ST8SIA5: variants seen among roughly 807,000 people sequenced by gnomAD.
ST8SIA5 encodes the protein ST8 alpha-N-acetyl-neuraminide alpha-2,8-sialyltransferase 5.
A neutral mutation model predicts 40.2 loss-of-function variants in ST8SIA5; 24 were observed. The ratio of observed to expected loss-of-function variants is 0.60; its 90% CI spans 0.43 to 0.84. The LOEUF is 0.84. ST8SIA5 is among the 40% of genes least tolerant of loss of function. The probability of loss-of-function intolerance (pLI) is 0.00; values close to 1 mark genes in which losing one functional copy is unlikely to be tolerated. For synonymous variants in ST8SIA5, 198 were observed against 201.8 expected, an observed-to-expected ratio of 0.98 and a Z score of 0.16; for missense variants, 465 against 498.5, an observed-to-expected ratio of 0.93 and a Z score of 0.64.
At chr18:46,726,554 C>T (rs116867183) in intron 1 of ST8SIA5, among the ~76,000 whole-genome samples, 4 of 152,102 alleles carry the variant, frequency 2.6e-5, no homozygotes, top group Non-Finnish European at 5.9e-5. Flanking sequence ...GTCATGACTG[C>T]ATGAATGTTT....
intron 5 of ST8SIA5, among the ~76,000 whole-genome samples, chr18:46,685,058 T>C (rs2039432243): frequency 6.6e-6 from 1 of 152,152 alleles, no homozygotes; most frequent in Non-Finnish European, 1.5e-5. Context: ...CTAAGAGCTA[T>C]ACAATCATTA....
At position 46,704,492 on chromosome 18, in the gene ST8SIA5, C is replaced by T. The variant is rs1174916414; in HGVS notation, c.224+80G>A. The T allele has an allele frequency of 7.9e-6, 10 of 1,272,518 alleles. No individual in the cohort carries two copies. The South Asian group carries it at 1.2e-4, about 16-fold the overall frequency. The allele number at this position is 1,272,518 out of a possible 1,614,324, so 78.8% of individuals were successfully genotyped here. On this transcript the variant is annotated intron_variant, in intron 2 of 6. Coordinates refer to ENST00000315087, the MANE Select transcript of ST8SIA5 (RefSeq NM_013305.6). ...CCATGTGTTTCCTGTTTCCTTCCACCCTTGCCCCCACGCACTCACCCCCAA... is the reference window on the plus strand; with the variant it reads ...CCATGTGTTTCCTGTTTCCTTCCACTCTTGCCCCCACGCACTCACCCCCAA...
intron 2 of ST8SIA5, among the ~76,000 whole-genome samples, chr18:46,697,124 TA>T (rs35310725): frequency 0.1 from 13,243 of 126,604 alleles, 859 homozygotes; most frequent in African/African-American, 0.19. Flanking sequence ...GTTCCTCTGT[TA>T]AAAAAAAAAA....
chr18:46,720,859 G>A (rs77395480), intron 1 of ST8SIA5, among the ~76,000 whole-genome samples: 13,389 of 152,130 alleles, frequency 0.088, 854 homozygotes, highest in East Asian at 0.33. Context: ...ATGATGGGGC[G>A]CATAGCAAAT....
intron 2 of ST8SIA5, among the ~76,000 whole-genome samples, chr18:46,702,442 A>C (rs1467355782): frequency 6.6e-6 from 1 of 152,092 alleles, no homozygotes. Context: ...TAAAACCCAA[A>C]CCTGGGTCTG....
chr18:46,730,870 C>CT (rs1189467974), intron 1 of ST8SIA5, among the ~76,000 whole-genome samples: 4 of 152,092 alleles, frequency 2.6e-5, no homozygotes, highest in Non-Finnish European at 5.9e-5. Context: ...AATTCCAGTG[C>CT]TTTGGGAGGC....
intron 1 of ST8SIA5, among the ~76,000 whole-genome samples, chr18:46,722,112 G>A (rs115959281): frequency 0.023 from 3,493 of 152,228 alleles, 124 homozygotes; most frequent in African/African-American, 0.078. Context: ...CCTGCAAAAA[G>A]CAGATCTACT....
intron 1 of ST8SIA5, chr18:46,721,500 T>C: frequency 6.6e-7 from 1 of 1,519,160 alleles, no homozygotes; most frequent in African/African-American, 1.4e-5. Context: ...TCGGTACTCA[T>C]GCTCATTTGC....
intron 1 of ST8SIA5, among the ~76,000 whole-genome samples, chr18:46,725,462 C>G (rs1437246849): frequency 6.6e-6 from 1 of 152,038 alleles, no homozygotes; most frequent in Non-Finnish European, 1.5e-5. Context: ...CAGTCCCCTC[C>G]CAGGACTATA....
At chr18:46,738,980 G>A (rs1022465461) in intron 1 of ST8SIA5, among the ~76,000 whole-genome samples, 3 of 152,168 alleles carry the variant, frequency 2.0e-5, no homozygotes, top group Non-Finnish European at 4.4e-5. Flanking sequence ...AAGCATAGGA[G>A]GGTCCTCTGT....
At chr18:46,702,208 A>T (rs1316848274) in intron 2 of ST8SIA5, among the ~76,000 whole-genome samples, 1 of 152,040 alleles carries the variant, frequency 6.6e-6, no homozygotes, top group Non-Finnish European at 1.5e-5. Flanking sequence ...GTGTGCTTTC[A>T]ATCACAGTGC....
At chr18:46,702,161 A>AT (rs2039624465) in intron 2 of ST8SIA5, among the ~76,000 whole-genome samples, 1 of 151,492 alleles carries the variant, frequency 6.6e-6, no homozygotes. Context: ...AAAAAAAAAA[A>AT]ACAGAAATTA....
rs115745584 is a variant in ST8SIA5, at chr18:46,708,187, G to A, written c.132-3523C>T. 7.2e-3 allele frequency among the ~76,000 whole-genome samples: 1,091 copies of A among 152,300 alleles called. 13 individuals carry two copies. Among genetic ancestry groups the A allele is most frequent in the African/African-American group, 0.025 (1,049 of 41,552 alleles). ...CACGTGATACCAGTGGATGCCCCAG[G>A]AAGTCCCAGGGAGTCAGAGACAGTC... On this transcript the variant is annotated intron_variant, in intron 1 of 6. Coordinates refer to ENST00000315087, the MANE Select transcript of ST8SIA5 (RefSeq NM_013305.6).
At position 46,718,998 on chromosome 18, in the gene ST8SIA5, C is replaced by T. The variant is rs989199608; in HGVS notation, c.132-14334G>A. Among the ~76,000 whole-genome samples the T allele has an allele frequency of 6.6e-5, 10 of 152,168 alleles. No individual in the cohort carries two copies. In the South Asian group the frequency reaches 8.3e-4, roughly 13 times the overall value. The stretch of plus-strand genomic sequence containing the variant: ...AAAAACTCCAGTTCCATTCTAACTA[C>T]GTTAACCATTATTTCCCACATGTGG... On this transcript the variant is annotated intron_variant, in intron 1 of 6. Coordinates refer to ENST00000315087, the MANE Select transcript of ST8SIA5 (RefSeq NM_013305.6).
Position 46,686,290 on chromosome 18 carries a change from G to T in ST8SIA5, c.457-4C>A. ...GGGACCGGTAGTAGGGCATGTCCTG[G>T]GGGAGGCACAGGCACAGCTGTCAGA... On this transcript the variant is annotated splice_polypyrimidine_tract_variant and splice_region_variant and intron_variant, in intron 4 of 6. Transcript: ENST00000315087. 6.2e-7 allele frequency: 1 copy of T among 1,613,768 alleles called. No homozygotes were observed.
At chr18:46,697,124 TAAAAAA>T (rs35310725) in intron 2 of ST8SIA5, among the ~76,000 whole-genome samples, 8 of 126,832 alleles carry the variant, frequency 6.3e-5, no homozygotes, top group African/African-American at 2.3e-4. Context: ...GTTCCTCTGT[TAAAAAA>T]AAAAAAAAAA....
chr18:46,744,781 C>T (rs1366047298), intron 1 of ST8SIA5, among the ~76,000 whole-genome samples: 4 of 152,164 alleles, frequency 2.6e-5, no homozygotes, highest in Non-Finnish European at 5.9e-5. Context: ...AGCACCACAT[C>T]GCACTTATTC....
chr18:46,671,567 G>A lies in ST8SIA5; in HGVS notation c.*8475C>T, dbSNP rs2039309493. The stretch of plus-strand genomic sequence containing the variant: ...GATCCTACCCAGCGCCGGTCACAAG[G>A]TGACCCTCACCCAGGCACAGGCTGA... On this transcript the variant is annotated 3_prime_UTR_variant, in exon 7 of 7. Transcript: ENST00000315087. 6.6e-6 allele frequency: 1 copy of A among 152,214 alleles called. No homozygotes were observed. Among genetic ancestry groups the A allele is most frequent in the African/African-American group, 2.4e-5 (1 of 41,424 alleles). The allele number at this position is 152,214 out of a possible 1,614,324, so 9.4% of individuals were successfully genotyped here.
intron 1 of ST8SIA5, among the ~76,000 whole-genome samples, chr18:46,742,840 T>C (rs1314354640): frequency 6.6e-6 from 1 of 152,184 alleles, no homozygotes; most frequent in Non-Finnish European, 1.5e-5. Context: ...TACAGGCGGA[T>C]GCCCCTCTGG....
Sources: allele counts gnomAD v4.1 joint callset (sites outside exome capture counted in the v4.1 genomes callset), GRCh38; gene constraint gnomAD v4.1.1; transcripts MANE v1.5; gene names NCBI Gene and HGNC (gene_info 2026-07-23, HGNC 2026-07-21).